RPS6KA5: variants seen among roughly 807,000 people sequenced by gnomAD.
RPS6KA5 encodes ribosomal protein S6 kinase A5.
Under a neutral mutation model 85.5 loss-of-function variants are expected in RPS6KA5, and 27 were observed. The observed-to-expected ratio is 0.32, with a 90% CI of 0.23 to 0.44. The LOEUF is 0.44. RPS6KA5 is among the 20% of genes least tolerant of loss of function. The pLI is 1.00. For missense variants in RPS6KA5, 811 were observed against 980.9 expected (o/e 0.83, Z 2.31); for synonymous variants, 334 against 348.2 (o/e 0.96, Z 0.46).
chr14:90,923,120 T>C lies in RPS6KA5; in HGVS notation c.695A>G (p.His232Arg). The change falls in exon 6 of 17, where the codon CAT becomes CGT. Residue 232 changes from histidine (H) to arginine (R), a missense_variant. By Grantham distance (29) the His-to-Arg change is conservative. This residue lies in a region of RPS6KA5 where 650 missense variants were observed against 793.4 expected (regional missense o/e 0.82). Transcript: ENST00000614987. ...PDIVRGGDSG[H>R]DKAVDWWSLG... is the part of the protein sequence containing the mutation. The stretch of plus-strand genomic sequence containing the variant: ...ATCAAAAATAGAACATACCTTGTCA[T>C]GTCCTGAATCTCCCCCTCTGACAAT... 1 of 1,607,394 alleles carries C rather than the reference T, an allele frequency of 6.2e-7. No homozygotes were observed. The highest frequency in any genetic ancestry group is 8.5e-7 in the Non-Finnish European group (1 of 1,174,446).
At chr14:90,882,814 AT>A (rs139239110) in intron 14 of RPS6KA5, among the ~76,000 whole-genome samples, 17 of 146,904 alleles carry the variant, frequency 1.2e-4, no homozygotes, top group South Asian at 8.6e-4. Flanking sequence ...TCAAGATTCT[AT>A]TTTTTTTTTT....
At chr14:90,984,376 G>A (rs1014906432) in intron 2 of RPS6KA5, among the ~76,000 whole-genome samples, 7 of 152,304 alleles carry the variant, frequency 4.6e-5, no homozygotes, top group African/African-American at 1.4e-4. Flanking sequence ...GAAAACCTAT[G>A]TGCTCTTTTA....
chr14:90,964,378 C>T (rs865954823), intron 3 of RPS6KA5, among the ~76,000 whole-genome samples: 35 of 152,072 alleles, frequency 2.3e-4, no homozygotes, highest in African/African-American at 7.2e-4. Context: ...TAAAAAAATG[C>T]CAAGAGTAGT....
At chr14:91,035,520 G>T (rs1019499018) in intron 1 of RPS6KA5, among the ~76,000 whole-genome samples, 2 of 152,032 alleles carry the variant, frequency 1.3e-5, no homozygotes, top group Non-Finnish European at 2.9e-5. Flanking sequence ...CAGGTGTGAT[G>T]GTTAGCCTTG....
At chr14:90,962,414 C>T (rs984042112) in intron 3 of RPS6KA5, among the ~76,000 whole-genome samples, 1 of 151,828 alleles carries the variant, frequency 6.6e-6, no homozygotes, top group Admixed American at 6.6e-5. Flanking sequence ...AATGATCCTC[C>T]TGCCTCAGCC....
At chr14:91,029,322 A>G (rs1371034749) in intron 1 of RPS6KA5, among the ~76,000 whole-genome samples, 1 of 152,248 alleles carries the variant, frequency 6.6e-6, no homozygotes, top group East Asian at 1.9e-4. Flanking sequence ...ACACTTTACT[A>G]AACTGTCCTT....
At chr14:90,879,425 AAG>A (rs2033683003) in intron 14 of RPS6KA5, among the ~76,000 whole-genome samples, 1 of 152,202 alleles carries the variant, frequency 6.6e-6, no homozygotes, top group Admixed American at 6.5e-5. Context: ...AGACTCAGCA[AAG>A]ATACCACCTG....
At chr14:90,972,475 T>C (rs1036315066) in intron 3 of RPS6KA5, among the ~76,000 whole-genome samples, 1 of 152,194 alleles carries the variant, frequency 6.6e-6, no homozygotes, top group Non-Finnish European at 1.5e-5. Context: ...GAGAATTTCA[T>C]AGAGGAAAAA....
intron 3 of RPS6KA5, among the ~76,000 whole-genome samples, chr14:90,971,676 C>A (rs1380517958): frequency 6.6e-6 from 1 of 152,114 alleles, no homozygotes; most frequent in Admixed American, 6.5e-5. Flanking sequence ...GAATTTAATC[C>A]CAATGGAACA....
At chr14:90,937,575 T>C (rs2037331305) in intron 5 of RPS6KA5, among the ~76,000 whole-genome samples, 1 of 152,018 alleles carries the variant, frequency 6.6e-6, no homozygotes, top group African/African-American at 2.4e-5. Context: ...TGCTGATAAA[T>C]ACATATCCGA....
rs774828723 is a variant in RPS6KA5 at position 90,978,469 on chromosome 14, C to G, written c.231G>C (p.Leu77=). ...RKISGHDTGK[L]YAMKVLKKAT... Reference sequence around the variant, plus strand: ...CCTTTTTCAAAACTTTCATGGCATACAGCTTTCCAGTATCATGGCCACTTA... The same window carrying G: ...CCTTTTTCAAAACTTTCATGGCATAGAGCTTTCCAGTATCATGGCCACTTA... The change falls in exon 3 of 17, where the codon CTG becomes CTC. Residue 77 remains leucine, a synonymous_variant. Transcript: ENST00000614987. 3 of 1,613,218 alleles carry G rather than the reference C, an allele frequency of 1.9e-6. No individual in the cohort carries two copies. The African/African-American group carries it at 4.0e-5, about 22-fold the overall frequency.
chr14:90,962,203 T>C (rs2038831901), intron 3 of RPS6KA5, among the ~76,000 whole-genome samples: 1 of 152,164 alleles, frequency 6.6e-6, no homozygotes, highest in South Asian at 2.1e-4. Context: ...GGCATGAAAC[T>C]TCTTATTATT....
At chr14:91,043,490 T>G (rs897060640) in intron 1 of RPS6KA5, among the ~76,000 whole-genome samples, 1 of 152,156 alleles carries the variant, frequency 6.6e-6, no homozygotes, top group Non-Finnish European at 1.5e-5. Flanking sequence ...TCTACTTACT[T>G]CTTGAGTAAC....
Position 90,902,798 on chromosome 14 carries a change from G to A in RPS6KA5, c.1119+10C>T. On this transcript the variant is annotated intron_variant, in intron 9 of 16. Transcript: ENST00000614987. ...TGGCCAATGTGCATGTGCACAGGAT[G>A]GGAAATTACCTGAAACAGCTTCTCA... The A allele has an allele frequency of 6.2e-7, 1 of 1,612,866 alleles. No homozygotes were observed.
At position 90,860,958 on chromosome 14, in the gene RPS6KA5, C is replaced by T. The variant is rs990358986; in HGVS notation, c.*11116G>A. On this transcript the variant is annotated 3_prime_UTR_variant, in exon 17 of 17. Coordinates refer to ENST00000614987, the MANE Select transcript of RPS6KA5 (RefSeq NM_004755.4). ...CCAATCTGGAGTGCAATGGTGCGAC[C>T]TTGGCTCACTGCAACCTCCCTCTTC... The T allele has an allele frequency of 6.7e-6, 1 of 150,076 alleles. No individual in the cohort carries two copies. The highest frequency in any genetic ancestry group is 2.5e-5 in the African/African-American group (1 of 40,700). The allele number at this position is 150,076 out of a possible 1,614,324, so 9.3% of individuals were successfully genotyped here.
intron 5 of RPS6KA5, among the ~76,000 whole-genome samples, chr14:90,923,831 T>C (rs1231114993): frequency 6.6e-6 from 1 of 152,172 alleles, no homozygotes; most frequent in Non-Finnish European, 1.5e-5. Flanking sequence ...GTTTCCTTTT[T>C]ATAGAATTTT....
intron 3 of RPS6KA5, among the ~76,000 whole-genome samples, chr14:90,970,836 T>C (rs1044580665): frequency 1.3e-5 from 2 of 150,528 alleles, no homozygotes; most frequent in Admixed American, 6.6e-5. Flanking sequence ...AAAAGAAATA[T>C]AAAGGGAAAA....
chr14:90,948,451 C>G (rs1053092576), intron 3 of RPS6KA5, among the ~76,000 whole-genome samples: 7 of 152,146 alleles, frequency 4.6e-5, no homozygotes, highest in Non-Finnish European at 7.3e-5. Context: ...AATCTCAGCA[C>G]TTTGGGAGGC....
intron 2 of RPS6KA5, among the ~76,000 whole-genome samples, chr14:90,992,532 G>A (rs2040354378): frequency 6.6e-6 from 1 of 152,120 alleles, no homozygotes; most frequent in Non-Finnish European, 1.5e-5. Context: ...ATATAAATTT[G>A]ATATTAAAAA....
Sources: gnomAD v4.1 joint callset for allele counts (sites outside exome capture counted in the v4.1 genomes callset) on GRCh38, gnomAD v4.1.1 for gene constraint, gnomAD v4.1.1 regional missense constraint, MANE v1.5 for transcripts, NCBI Gene and HGNC (gene_info 2026-07-23, HGNC 2026-07-21) for gene names.